REV3L: variants seen among roughly 807,000 people sequenced by gnomAD.
The protein encoded by REV3L is REV3 like, DNA directed polymerase zeta catalytic subunit.
In REV3L, 69 loss-of-function variants were observed where a neutral mutation model predicts 299.4. That is an observed-to-expected ratio of 0.23 (90% CI 0.19 to 0.28). REV3L has a LOEUF of 0.28. REV3L is among the 10% of genes least tolerant of loss of function. The pLI, the probability that REV3L is intolerant of heterozygous loss-of-function variation, is 1.00. For missense variants in REV3L, 3,128 were observed against 3,693.8 expected, an observed-to-expected ratio of 0.85 and a Z score of 3.97; for synonymous variants, 1,238 against 1,271.4, an observed-to-expected ratio of 0.97 and a Z score of 0.56.
At chr6:111,389,260 C>T (rs769042736) in intron 6 of REV3L, 50 bp from the exon 7 acceptor site, 5 of 1,289,830 alleles carry the variant, frequency 3.9e-6, no homozygotes, top group Non-Finnish European at 5.5e-6. Context: ...TAAGAAATGC[C>T]TAAAAAATCT....
chr6:111,339,789 T>C (rs748855429), intron 21 of REV3L, among the ~76,000 whole-genome samples: 1 of 152,206 alleles, frequency 6.6e-6, no homozygotes, highest in Non-Finnish European at 1.5e-5. Context: ...TCATCCTTTC[T>C]ACTTTCGGGT....
At chr6:111,415,679 C>T (rs1045224804) in intron 2 of REV3L, among the ~76,000 whole-genome samples, 2 of 152,084 alleles carry the variant, frequency 1.3e-5, no homozygotes, top group Non-Finnish European at 2.9e-5. Flanking sequence ...AGTCACCTGG[C>T]TTCCATGCTG....
In REV3L at chr6:111,299,914, G is replaced by A; in HGVS notation, c.*102C>T. On this transcript the variant is annotated 3_prime_UTR_variant, in exon 32 of 32. Coordinates refer to ENST00000368802, the MANE Select transcript of REV3L (RefSeq NM_001372078.1). ...CTTCATAGTCTTCAGATAACAGACA[G>A]TGAACATCCTTGACTCGATGAAAGT... 8.7e-7 allele frequency: 1 copy of A among 1,146,500 alleles called. No individual in the cohort carries two copies. The highest frequency in any genetic ancestry group is 1.2e-6 in the Non-Finnish European group (1 of 818,278). 71.0% of individuals were successfully genotyped at this position (1,146,500 alleles called of 1,614,324 possible).
chr6:111,447,252 T>C (rs760801149), intron 1 of REV3L, among the ~76,000 whole-genome samples: 2 of 152,196 alleles, frequency 1.3e-5, no homozygotes, highest in African/African-American at 4.8e-5. Context: ...GTACCAGATG[T>C]GTTCTGAATC....
chr6:111,323,807 TAAG>T (rs1323526585), intron 25 of REV3L, among the ~76,000 whole-genome samples: 9 of 152,212 alleles, frequency 5.9e-5, no homozygotes, highest in Admixed American at 5.2e-4. Flanking sequence ...TTTTTTTTGT[TAAG>T]AAGCAAACAA....
chr6:111,414,692 G>A (rs1318004969), intron 2 of REV3L, among the ~76,000 whole-genome samples: 1 of 152,096 alleles, frequency 6.6e-6, no homozygotes, highest in Non-Finnish European at 1.5e-5. Flanking sequence ...ATGAGCTCCA[G>A]ATCTTTCCTG....
chr6:111,329,537 T>C lies in REV3L; in HGVS notation c.8236A>G (p.Ile2746Val), dbSNP rs1470091657. ...SANFSGRMPC[I>V]EVGDSIVHKA... ...TACAGATTTGTATCACTTACCTCAA[T>C]GCATGGCATTCTCCCAGAAAAATTA... Residue 2746 changes from isoleucine to valine, a missense_variant, in exon 25 of 32, where the codon ATT becomes GTT. Coordinates refer to ENST00000368802, the MANE Select transcript of REV3L (RefSeq NM_001372078.1). The C allele has an allele frequency of 1.9e-6, 3 of 1,614,040 alleles. No individual in the cohort carries two copies. The highest frequency in any genetic ancestry group is 1.7e-6 in the Non-Finnish European group (2 of 1,179,942).
At chr6:111,439,617 C>T (rs1788006549) in intron 1 of REV3L, among the ~76,000 whole-genome samples, 1 of 152,196 alleles carries the variant, frequency 6.6e-6, no homozygotes, top group Non-Finnish European at 1.5e-5. Context: ...ATGGTCTTCT[C>T]TTATTCTACC....
At chr6:111,316,695 CAT>C (rs1773566928) in intron 26 of REV3L, among the ~76,000 whole-genome samples, 1 of 150,088 alleles carries the variant, frequency 6.7e-6, no homozygotes, top group Non-Finnish European at 1.5e-5. Flanking sequence ...AAAAGACAGA[CAT>C]ATATTCTGTA....
intron 12 of REV3L, among the ~76,000 whole-genome samples, chr6:111,377,160 C>G (rs1174136036): frequency 6.6e-6 from 1 of 152,084 alleles, no homozygotes; most frequent in African/African-American, 2.4e-5. Context: ...CAGTGGTCAA[C>G]AAATGTTATA....
intron 1 of REV3L, among the ~76,000 whole-genome samples, chr6:111,442,136 G>T (rs1164335064): frequency 6.6e-6 from 1 of 152,196 alleles, no homozygotes; most frequent in Non-Finnish European, 1.5e-5. Context: ...TTATTAGGTA[G>T]GTGTAGGGTT....
chr6:111,482,045 A>T (rs1336683760), intron 1 of REV3L, among the ~76,000 whole-genome samples: 2 of 152,160 alleles, frequency 1.3e-5, no homozygotes, highest in Non-Finnish European at 2.9e-5. Flanking sequence ...CAACATAAAC[A>T]CGCATTTCCT....
At position 111,357,033 on chromosome 6, in the gene REV3L, T is replaced by A. The variant is rs991841063; in HGVS notation, c.7165A>T (p.Ile2389Phe). The A allele has an allele frequency of 8.2e-6, 13 of 1,593,760 alleles. No homozygotes were observed. In the Middle Eastern group the frequency reaches 6.7e-4, roughly 82 times the overall value. The change falls in exon 18 of 32, where the codon ATT (isoleucine) becomes TTT (phenylalanine). Residue 2389 changes from isoleucine (I) to phenylalanine (F), a missense_variant. Coordinates refer to ENST00000368802, the MANE Select transcript of REV3L (RefSeq NM_001372078.1). ...CAATACCTCTTTATTATATTTGCAATTTCATGAAAAAGTGCCTTCTCATCA... is the reference window on the plus strand; with the variant it reads ...CAATACCTCTTTATTATATTTGCAAATTCATGAAAAAGTGCCTTCTCATCA... ...AADEKALFHE[I>F]ANIIKRYDPD... is the part of the protein sequence containing the mutation.
At chr6:111,357,225 A>G (rs1348602533) in intron 17 of REV3L, 100 bp from the exon 18 acceptor site, 2 of 380,466 alleles carry the variant, frequency 5.3e-6, no homozygotes, top group Non-Finnish European at 9.1e-6. Context: ...GTAAAATTGT[A>G]CTACTGAAAT....
At chr6:111,386,133 C>G (rs1781321422) in intron 9 of REV3L, among the ~76,000 whole-genome samples, 1 of 152,176 alleles carries the variant, frequency 6.6e-6, no homozygotes, top group Non-Finnish European at 1.5e-5. Context: ...TACACCCTAA[C>G]ATTCAGCAAC....
chr6:111,440,688 C>A (rs1005171604), intron 1 of REV3L, among the ~76,000 whole-genome samples: 2 of 152,186 alleles, frequency 1.3e-5, no homozygotes, highest in African/African-American at 4.8e-5. Flanking sequence ...TAATACTCTT[C>A]CTTTCTTTAT....
At chr6:111,390,211 A>G (rs199932413) in intron 5 of REV3L, 31 bp from the exon 6 acceptor site, 535 of 1,334,538 alleles carry the variant, frequency 4.0e-4, no homozygotes, top group Non-Finnish European at 2.2e-4. Context: ...AAACATAATA[A>G]TTATGTGAGA....
chr6:111,431,475 A>G (rs1786920647), intron 1 of REV3L: 1 of 1,034,370 alleles, frequency 9.7e-7, no homozygotes, highest in Non-Finnish European at 1.5e-6. Context: ...TGAGACCACC[A>G]GATTGCTCAG....
chr6:111,328,487 G>A (rs1375849703), intron 25 of REV3L, among the ~76,000 whole-genome samples: 1 of 152,160 alleles, frequency 6.6e-6, no homozygotes, highest in Non-Finnish European at 1.5e-5. Flanking sequence ...CAAGGCTGTT[G>A]TAAAAACTGC....
Sources: allele counts gnomAD v4.1 joint callset (sites outside exome capture counted in the v4.1 genomes callset), GRCh38; gene constraint gnomAD v4.1.1; transcripts MANE v1.5; gene names NCBI Gene and HGNC (gene_info 2026-07-23, HGNC 2026-07-21).